CLDN19: variants seen among roughly 807,000 people sequenced by gnomAD.
The protein encoded by CLDN19 is claudin-19.
Under a neutral mutation model 24.5 loss-of-function variants are expected in CLDN19, and 19 were observed. That is an observed-to-expected ratio of 0.78 (90% confidence interval 0.54 to 1.14). The LOEUF (loss-of-function observed/expected upper bound fraction) is 1.14. Ranked by LOEUF, CLDN19 falls within the 50% of genes most tolerant of loss-of-function variation. The pLI, the probability that CLDN19 is intolerant of heterozygous loss-of-function variation, is 0.00. For synonymous variants in CLDN19, 117 were observed against 129.6 expected, an observed-to-expected ratio of 0.90 and a Z score of 0.66; for missense variants, 250 against 295.9, an observed-to-expected ratio of 0.84 and a Z score of 1.14.
In CLDN19 at chr1:42,733,800, T is replaced by A. The variant is rs766100803; in HGVS notation, c.*1286A>T. 1.3e-5 allele frequency: 2 copies of A among 152,766 alleles called. No homozygotes were observed. Among genetic ancestry groups the A allele is most frequent in the South Asian group, 4.1e-4 (2 of 4,828 alleles). The allele number at this position is 152,766 out of a possible 1,614,324, so 9.5% of individuals were successfully genotyped here. A position where few individuals can be genotyped will look rare whatever the true frequency, so the allele number is the denominator to read the frequency against. On this transcript the variant is annotated 3_prime_UTR_variant, in exon 5 of 5. Coordinates refer to ENST00000296387, the MANE Select transcript of CLDN19 (RefSeq NM_148960.3). ...GCCGAGGGGTCAGTCCCCCAGCAGC[T>A]CCCTGCCATTTGTGTCATTCCTCCC...
intron 1 of CLDN19, among the ~76,000 whole-genome samples, chr1:42,739,063 C>T (rs1350530774): frequency 2.6e-5 from 4 of 152,190 alleles, no homozygotes; most frequent in African/African-American, 9.7e-5. Flanking sequence ...GGAAGCTTGC[C>T]TCTTCACGGG....
chr1:42,736,092 T>C (rs1651362893), intron 3 of CLDN19, 62 bp from the exon 4 acceptor site: 1 of 1,136,814 alleles, frequency 8.8e-7, no homozygotes, highest in African/African-American at 1.5e-5. Context: ...TCCCAGTCCC[T>C]GCCCTGGCAG....
At position 42,734,216 on chromosome 1, in the gene CLDN19, C is replaced by A. The variant is rs1274622493; in HGVS notation, c.*870G>T. ...TGGGCTGGTTTCCTTACATTCCTCT[C>A]AGGCCCTTCCCCCTGTATGCTAAGG... On this transcript the variant is annotated 3_prime_UTR_variant, in exon 5 of 5. Transcript: ENST00000296387. 3.3e-5 allele frequency: 5 copies of A among 152,354 alleles called. No individual in the cohort carries two copies. The highest frequency in any genetic ancestry group is 1.3e-4 in the Admixed American group (2 of 15,284). The allele number at this position is 152,354 out of a possible 1,614,324, so 9.4% of individuals were successfully genotyped here. A position where few individuals can be genotyped will look rare whatever the true frequency, so the allele number is the denominator to read the frequency against.
chr1:42,739,823 C>G lies in CLDN19; in HGVS notation c.223+18G>C. 1.9e-6 allele frequency: 3 copies of G among 1,609,572 alleles called. No homozygotes were observed. The highest frequency in any genetic ancestry group is 2.5e-6 in the Non-Finnish European group (3 of 1,177,740). ...TGTTCCCACCTCCCATCTCCCACCCCGCCGGCCTGGGGCCTACCGTCCAGG... is the reference window on the plus strand; with the variant it reads ...TGTTCCCACCTCCCATCTCCCACCCGGCCGGCCTGGGGCCTACCGTCCAGG... On this transcript the variant is annotated intron_variant, in intron 1 of 4. Coordinates refer to ENST00000296387, the MANE Select transcript of CLDN19 (RefSeq NM_148960.3).
Position 42,735,134 on chromosome 1 carries a change from T to G in CLDN19, c.627A>C (p.Glu209Asp). 1 of 1,613,920 alleles carries G rather than the reference T, an allele frequency of 6.2e-7. No homozygotes were observed. The highest frequency in any genetic ancestry group is 1.1e-5 in the South Asian group (1 of 91,032). The change falls in exon 5 of 5, where the codon GAA becomes GAC. Residue 209 changes from glutamate to aspartate, a missense_variant and splice_region_variant. Glu to Asp is a conservative substitution (Grantham distance 45, BLOSUM62 2). Coordinates refer to ENST00000296387, the MANE Select transcript of CLDN19 (RefSeq NM_148960.3). The stretch of plus-strand genomic sequence containing the variant: ...CGGAGGCGGGCAATTTAACAACTGG[T>G]CTGAAAGTCAAAAGAGAGAGAGCTG... ...YRPGPSAAAR[E>D]PVVKLPASAK...
At chr1:42,737,051 G>A (rs1048342058) in intron 3 of CLDN19, among the ~76,000 whole-genome samples, 1 of 152,122 alleles carries the variant, frequency 6.6e-6, no homozygotes, top group Admixed American at 6.5e-5. Flanking sequence ...CCACCCCAAG[G>A]CCCAAAGCCC....
At position 42,736,048 on chromosome 1, in the gene CLDN19, A is replaced by AG; in HGVS notation, c.474-19dup. ...ATTCATACCTGCAAGGGGTAGGGAGAGTGGCATCAGGTGTGGCTGCCGTCT... is the reference window on the plus strand; with the variant it reads ...ATTCATACCTGCAAGGGGTAGGGAGAGGTGGCATCAGGTGTGGCTGCCGTCT... On this transcript the variant is annotated intron_variant, in intron 3 of 4. Coordinates refer to ENST00000296387, the MANE Select transcript of CLDN19 (RefSeq NM_148960.3). 1 of 1,527,460 alleles carries AG rather than the reference A, an allele frequency of 6.5e-7. No individual in the cohort carries two copies. The highest frequency in any genetic ancestry group is 8.9e-7 in the Non-Finnish European group (1 of 1,119,646). The allele number at this position is 1,527,460 out of a possible 1,614,324, so 94.6% of individuals were successfully genotyped here. A position where few individuals can be genotyped will look rare whatever the true frequency, so the allele number is the denominator to read the frequency against.
Position 42,738,482 on chromosome 1 carries a change from G to A in CLDN19, c.327C>T (p.Asp109=). The part of the protein sequence containing the change: ...VVGMKCTRVG[D]SNPIAKGRVA... ...CACGGCCCTTGGCAATGGGGTTGCT[G>A]TCTCCCACCCGCGTACACTTCATGC... The change falls in exon 2 of 5, where the codon GAC becomes GAT. Residue 109 remains aspartate, a synonymous_variant. Transcript: ENST00000296387. 1.9e-6 allele frequency: 3 copies of A among 1,614,048 alleles called. No homozygotes were observed. The South Asian group carries it at 3.3e-5, about 18-fold the overall frequency.
chr1:42,740,123 G>T lies in CLDN19; in HGVS notation c.-60C>A. The T allele has an allele frequency of 1.5e-6, 2 of 1,373,728 alleles. No individual in the cohort carries two copies. Among genetic ancestry groups the T allele is most frequent in the Non-Finnish European group, 2.0e-6 (2 of 994,216 alleles). 85.1% of individuals were successfully genotyped at this position (1,373,728 alleles called of 1,614,324 possible). ...AGAGCTGGGCCAGGGTGCCAGCAGG[G>T]GCTTTGGTCATGGCCAGGTGGGAGG... On this transcript the variant is annotated 5_prime_UTR_variant, in exon 1 of 5. Coordinates refer to ENST00000296387, the MANE Select transcript of CLDN19 (RefSeq NM_148960.3).
rs746364980 is a variant in CLDN19 at position 42,738,273 on chromosome 1, C to A, written c.429G>T (p.Leu143=). ...TLTAVSWYAT[L]VTQEFFNPST... ...TTGGGTTGAAGAACTCCTGGGTCAC[C>A]AGGGTGGCATACCACGAGACAGCAG... The change falls in exon 3 of 5, where the codon CTG becomes CTT. Residue 143 remains leucine, a synonymous_variant. Coordinates refer to ENST00000296387, the MANE Select transcript of CLDN19 (RefSeq NM_148960.3). 7 of 1,613,912 alleles carry A rather than the reference C, an allele frequency of 4.3e-6. No individual in the cohort carries two copies. The highest frequency in any genetic ancestry group is 4.5e-5 in the East Asian group (2 of 44,876).
At chr1:42,739,817 C>T in intron 1 of CLDN19, 24 bp downstream of exon 1, 1 of 1,606,462 alleles carries the variant, frequency 6.2e-7, no homozygotes, top group East Asian at 2.2e-5. Flanking sequence ...CTCCCATCTC[C>T]CACCCCGCCG....
rs751268926 is a variant in CLDN19 at position 42,738,212 on chromosome 1, C to G, written c.473+17G>C. On this transcript the variant is annotated intron_variant, in intron 3 of 4. Transcript: ENST00000296387. ...CCCAGAGGAGGTAAAGCAAAAGACC[C>G]AAGCCCTGGCACCCACCTGGCATTG... is the stretch of plus-strand genomic sequence containing the variant. 2.5e-6 allele frequency: 4 copies of G among 1,608,010 alleles called. No homozygotes were observed. The African/African-American group carries it at 5.3e-5, about 21-fold the overall frequency.
Position 42,739,916 on chromosome 1 carries a change from G to A in CLDN19, c.148C>T (p.Leu50Phe), listed in dbSNP as rs762859529. ...CTCTGGGAGGCGCAGGACATCCAGA[G>A]CCCTTCATAGAGGCCCACGGCAGTG... ...IITAVGLYEG[L>F]WMSCASQSTG... is the part of the protein sequence containing the mutation. Residue 50 changes from leucine to phenylalanine, a missense_variant, in exon 1 of 5, where the codon CTC becomes TTC. Transcript: ENST00000296387. 2.5e-6 allele frequency: 4 copies of A among 1,612,380 alleles called. No individual in the cohort carries two copies. The highest frequency in any genetic ancestry group is 3.4e-6 in the Non-Finnish European group (4 of 1,179,508).
At position 42,734,570 on chromosome 1, in the gene CLDN19, C is replaced by T. The variant is rs966911128; in HGVS notation, c.*516G>A. ...TCCTACACTGTGTCCCCTCACCTAT[C>T]GCTGATCCCCAGCATCCAGCTGGAG... On this transcript the variant is annotated 3_prime_UTR_variant, in exon 5 of 5. Coordinates refer to ENST00000296387, the MANE Select transcript of CLDN19 (RefSeq NM_148960.3). 1.7e-4 allele frequency: 28 copies of T among 163,196 alleles called. No individual in the cohort carries two copies. The highest frequency in any genetic ancestry group is 6.7e-4 in the African/African-American group (28 of 41,712). The allele number at this position is 163,196 out of a possible 1,614,324, so 10.1% of individuals were successfully genotyped here.
Position 42,734,801 on chromosome 1 carries a change from G to T in CLDN19, c.*285C>A, listed in dbSNP as rs897677267. ...GACTTTGTGCCAAGGCCAAGGCCAGGCTTGGGAGGGGGGTCCCTAGACAGA... is the reference window on the plus strand; with the variant it reads ...GACTTTGTGCCAAGGCCAAGGCCAGTCTTGGGAGGGGGGTCCCTAGACAGA... On this transcript the variant is annotated 3_prime_UTR_variant, in exon 5 of 5. Transcript: ENST00000296387. The T allele has an allele frequency of 3.1e-5, 13 of 422,348 alleles. No homozygotes were observed. The highest frequency in any genetic ancestry group is 2.1e-4 in the Admixed American group (6 of 29,150). The allele number at this position is 422,348 out of a possible 1,614,324, so 26.2% of individuals were successfully genotyped here. A position where few individuals can be genotyped will look rare whatever the true frequency, so the allele number is the denominator to read the frequency against.
chr1:42,736,688 G>A (rs531243398), intron 3 of CLDN19, among the ~76,000 whole-genome samples: 5 of 152,056 alleles, frequency 3.3e-5, no homozygotes, highest in Admixed American at 6.5e-5. Flanking sequence ...TGTTCACCCC[G>A]CCCCTTGCGC....
In CLDN19 at chr1:42,740,129, G is replaced by A; in HGVS notation, c.-66C>T. 2.4e-6 allele frequency: 3 copies of A among 1,276,070 alleles called. No homozygotes were observed. The highest frequency in any genetic ancestry group is 2.2e-6 in the Non-Finnish European group (2 of 906,344). The allele number at this position is 1,276,070 out of a possible 1,614,324, so 79.0% of individuals were successfully genotyped here. A position where few individuals can be genotyped will look rare whatever the true frequency, so the allele number is the denominator to read the frequency against. ...GGGCCAGGGTGCCAGCAGGGGCTTT[G>A]GTCATGGCCAGGTGGGAGGAGCAGC... On this transcript the variant is annotated 5_prime_UTR_variant, in exon 1 of 5. Coordinates refer to ENST00000296387, the MANE Select transcript of CLDN19 (RefSeq NM_148960.3).
chr1:42,737,814 C>T (rs371313846), intron 3 of CLDN19, among the ~76,000 whole-genome samples: 1 of 152,226 alleles, frequency 6.6e-6, no homozygotes, highest in Admixed American at 6.5e-5. Context: ...TCCCGAGTAG[C>T]TGAGATTACA....
chr1:42,738,096 C>T, intron 3 of CLDN19, 133 bp downstream of exon 3: 1 of 830,404 alleles, frequency 1.2e-6, no homozygotes, highest in Non-Finnish European at 2.0e-6. Flanking sequence ...CCACACTCCT[C>T]CTGGCGCCCC....
Sources: gnomAD v4.1 joint callset for allele counts (sites outside exome capture counted in the v4.1 genomes callset) on GRCh38, gnomAD v4.1.1 for gene constraint, MANE v1.5 for transcripts, NCBI Gene and HGNC (gene_info 2026-07-23, HGNC 2026-07-21) for gene names.